Variants in KCNMA1 observed in about 807,000 individuals in gnomAD.
The protein encoded by KCNMA1 is Calcium-activated potassium channel subunit alpha-1.
A neutral mutation model predicts 140.0 loss-of-function variants in KCNMA1; 29 were observed. The ratio of observed to expected loss-of-function variants is 0.21; its 90% CI spans 0.15 to 0.28. The LOEUF (loss-of-function observed/expected upper bound fraction) is 0.28, where lower values mean the gene tolerates loss of function less well. KCNMA1 is among the 10% of genes least tolerant of loss of function. The probability of loss-of-function intolerance (pLI) is 1.00; values close to 1 mark genes in which losing one functional copy is unlikely to be tolerated. For missense variants in KCNMA1, 880 were observed against 1,602.2 expected, an observed-to-expected ratio of 0.55 and a Z score of 7.70; for synonymous variants, 612 against 611.9, an observed-to-expected ratio of 1.00 and a Z score of 0.00.
At chr10:77,131,638 T>C (rs1197396655) in intron 5 of KCNMA1, among the ~76,000 whole-genome samples, 1 of 151,856 alleles carries the variant, frequency 6.6e-6, no homozygotes, top group African/African-American at 2.4e-5. Context: ...GAGCTGAGCG[T>C]TGGCTTCTCA....
At chr10:77,629,944 T>C (rs781034490) in intron 1 of KCNMA1, among the ~76,000 whole-genome samples, 9 of 152,184 alleles carry the variant, frequency 5.9e-5, no homozygotes, top group Non-Finnish European at 1.0e-4. Context: ...GCACATCTCA[T>C]GGAAAAAGTC....
chr10:76,874,418 A>C (rs565181350), downstream of KCNMA1: 48 of 152,298 alleles, frequency 3.2e-4, no homozygotes, highest in African/African-American at 1.1e-3. Context: ...CCTGAAAGAG[A>C]CCTTAGAGTC....
At chr10:76,945,040 G>T in intron 22 of KCNMA1, 75 bp from the exon 23 acceptor site, 1 of 1,211,686 alleles carries the variant, frequency 8.3e-7, no homozygotes, top group Non-Finnish European at 1.2e-6. Flanking sequence ...AGGAGCAAAA[G>T]TGAGAGGAGA....
chr10:77,144,380 T>C (rs1039010942), intron 5 of KCNMA1, among the ~76,000 whole-genome samples: 1 of 152,264 alleles, frequency 6.6e-6, no homozygotes. Context: ...GACTAATCTA[T>C]AGTGATTGAA....
intron 2 of KCNMA1, among the ~76,000 whole-genome samples, chr10:77,396,432 C>T (rs960509746): frequency 3.3e-5 from 5 of 152,046 alleles, no homozygotes; most frequent in Non-Finnish European, 7.3e-5. Flanking sequence ...CTCCATAGGG[C>T]ACCTAACAGA....
At chr10:76,941,196 G>A (rs1243823174) in intron 23 of KCNMA1, among the ~76,000 whole-genome samples, 1 of 141,892 alleles carries the variant, frequency 7.0e-6, no homozygotes, top group African/African-American at 2.6e-5. Context: ...AGGGAGGGAG[G>A]GAAGGAGGGA....
intron 17 of KCNMA1, 100 bp from the exon 18 acceptor site, chr10:77,012,143 C>T: frequency 1.3e-6 from 2 of 1,595,604 alleles, no homozygotes; most frequent in African/African-American, 1.3e-5. Context: ...ATGAAACACG[C>T]CAGCATTAAT....
At chr10:77,328,199 C>G (rs950794256) in intron 2 of KCNMA1, among the ~76,000 whole-genome samples, 4 of 152,226 alleles carry the variant, frequency 2.6e-5, no homozygotes, top group African/African-American at 9.6e-5. Flanking sequence ...ACTTGGCGCA[C>G]AGTAAGCACT....
intron 3 of KCNMA1, among the ~76,000 whole-genome samples, chr10:77,244,732 C>A (rs1425575747): frequency 6.6e-6 from 1 of 152,174 alleles, no homozygotes; most frequent in Admixed American, 6.5e-5. Flanking sequence ...GTCAGATGAG[C>A]TAGGAAGGCT....
intron 1 of KCNMA1, among the ~76,000 whole-genome samples, chr10:77,545,643 C>T (rs766195094): frequency 1.3e-5 from 2 of 152,184 alleles, no homozygotes; most frequent in Non-Finnish European, 2.9e-5. Flanking sequence ...CATATTCTCC[C>T]AGGACTTTGA....
intron 20 of KCNMA1, among the ~76,000 whole-genome samples, chr10:76,957,253 C>G (rs1358616165): frequency 1.3e-5 from 2 of 151,706 alleles, no homozygotes; most frequent in Non-Finnish European, 2.9e-5. Flanking sequence ...AATTGAGGCC[C>G]AAATGAAAAG....
At chr10:77,334,266 T>TG (rs1566046706) in intron 2 of KCNMA1, among the ~76,000 whole-genome samples, 2 of 152,262 alleles carry the variant, frequency 1.3e-5, no homozygotes, top group South Asian at 2.1e-4. Flanking sequence ...GAGCATTTTG[T>TG]GGGGGAGTTC....
intron 1 of KCNMA1, among the ~76,000 whole-genome samples, chr10:77,600,953 C>T (rs1333905790): frequency 6.6e-6 from 1 of 152,168 alleles, no homozygotes; most frequent in East Asian, 1.9e-4. Context: ...CTGCCTAACA[C>T]AGTGACAGCC....
intron 3 of KCNMA1, among the ~76,000 whole-genome samples, chr10:77,214,752 T>C (rs866285823): frequency 3.8e-4 from 58 of 152,174 alleles, no homozygotes; most frequent in African/African-American, 1.4e-3. Flanking sequence ...GGCCACTCCC[T>C]CTGCCTGAAA....
chr10:77,421,749 C>A (rs2096871162), intron 1 of KCNMA1, among the ~76,000 whole-genome samples: 1 of 152,236 alleles, frequency 6.6e-6, no homozygotes, highest in South Asian at 2.1e-4. Flanking sequence ...GGCCCACAGC[C>A]TGTGGTGTGC....
chr10:77,518,640 C>A (rs1303033243), intron 1 of KCNMA1, among the ~76,000 whole-genome samples: 1 of 152,190 alleles, frequency 6.6e-6, no homozygotes. Flanking sequence ...GGGTGTGGTG[C>A]CAGCTCTGTC....
At chr10:77,425,397 A>G (rs932266116) in intron 1 of KCNMA1, among the ~76,000 whole-genome samples, 1 of 151,658 alleles carries the variant, frequency 6.6e-6, no homozygotes, top group East Asian at 1.9e-4. Flanking sequence ...AATAGATGAG[A>G]CTCCCCATGT....
chr10:77,159,031 G>A (rs2098524397), intron 5 of KCNMA1, among the ~76,000 whole-genome samples: 1 of 152,214 alleles, frequency 6.6e-6, no homozygotes, highest in African/African-American at 2.4e-5. Flanking sequence ...TTTGTGTTGT[G>A]TGAGTTTTTT....
chr10:77,293,495 C>A (rs2607799), intron 2 of KCNMA1, among the ~76,000 whole-genome samples: 71,105 of 151,902 alleles, frequency 0.47, 17,959 homozygotes, highest in Non-Finnish European at 0.57. Context: ...CTCTAAGGGG[C>A]ATTGTGGGTT....
Sources: gnomAD v4.1 joint callset for allele counts (sites outside exome capture counted in the v4.1 genomes callset) on GRCh38, gnomAD v4.1.1 for gene constraint, MANE v1.5 for transcripts, NCBI Gene and HGNC (gene_info 2026-07-23, HGNC 2026-07-21) for gene names.